CTNNA3: variants seen among roughly 807,000 people sequenced by gnomAD.
CTNNA3 encodes the protein catenin alpha 3.
Under a neutral mutation model 95.7 loss-of-function variants are expected in CTNNA3, and 76 were observed. The observed-to-expected ratio is 0.79, with a 90% CI of 0.66 to 0.96. CTNNA3 has a LOEUF of 0.96. Ranked by LOEUF, CTNNA3 falls within the 40% of genes least tolerant of loss-of-function variation. The pLI, the probability that CTNNA3 is intolerant of heterozygous loss-of-function variation, is 0.00. For missense variants in CTNNA3, 1,191 were observed against 1,089.8 expected (o/e 1.09, Z -1.31); for synonymous variants, 431 against 374.4 (o/e 1.15, Z -1.74).
chr10:66,657,485 G>A (rs990918386), intron 9 of CTNNA3, among the ~76,000 whole-genome samples: 4 of 151,972 alleles, frequency 2.6e-5, no homozygotes, highest in Admixed American at 1.3e-4. Flanking sequence ...TAATATGTAC[G>A]GTAAAGCTTA....
At chr10:66,993,032 C>T (rs1325213562) in intron 7 of CTNNA3, among the ~76,000 whole-genome samples, 4 of 152,068 alleles carry the variant, frequency 2.6e-5, no homozygotes, top group Non-Finnish European at 5.9e-5. Flanking sequence ...TCATTATTTT[C>T]CATGATTTTG....
At chr10:66,291,193 T>G (rs914255428) in intron 12 of CTNNA3, among the ~76,000 whole-genome samples, 1 of 152,190 alleles carries the variant, frequency 6.6e-6, no homozygotes, top group African/African-American at 2.4e-5. Flanking sequence ...TTGCATTTTC[T>G]CATTGCATTT....
At chr10:67,010,022 G>T (rs1852223975) in intron 7 of CTNNA3, among the ~76,000 whole-genome samples, 1 of 152,046 alleles carries the variant, frequency 6.6e-6, no homozygotes, top group South Asian at 2.1e-4. Context: ...ATTCAAACTT[G>T]TCCTTCCATT....
intron 7 of CTNNA3, among the ~76,000 whole-genome samples, chr10:66,802,872 A>G (rs1312051459): frequency 6.6e-6 from 1 of 152,018 alleles, no homozygotes; most frequent in Non-Finnish European, 1.5e-5. Flanking sequence ...ATGAGAGAAG[A>G]CTTACACATC....
intron 7 of CTNNA3, among the ~76,000 whole-genome samples, chr10:66,776,064 G>A (rs542727161): frequency 3.3e-5 from 5 of 152,252 alleles, no homozygotes; most frequent in South Asian, 2.1e-4. Context: ...AGAACTGGAC[G>A]CTGTTTTTGG....
intron 1 of CTNNA3, among the ~76,000 whole-genome samples, chr10:67,747,670 G>A (rs1187771068): frequency 2.6e-5 from 4 of 152,162 alleles, no homozygotes; most frequent in Admixed American, 6.5e-5. Context: ...ACGAAAAAAC[G>A]CTAAAAACTT....
chr10:66,491,499 C>A (rs1473161057), intron 11 of CTNNA3, among the ~76,000 whole-genome samples: 2 of 152,078 alleles, frequency 1.3e-5, no homozygotes, highest in Non-Finnish European at 2.9e-5. Flanking sequence ...AATGTAATGA[C>A]CATTTTATTT....
intron 7 of CTNNA3, among the ~76,000 whole-genome samples, chr10:66,858,924 T>C (rs1395426355): frequency 6.6e-6 from 1 of 152,050 alleles, no homozygotes; most frequent in Non-Finnish European, 1.5e-5. Context: ...TGCTCTGCTT[T>C]GAGTTCAACC....
intron 13 of CTNNA3, among the ~76,000 whole-genome samples, chr10:66,172,490 A>G (rs2085484615): frequency 6.6e-6 from 1 of 151,732 alleles, no homozygotes. Context: ...TATTTTATCT[A>G]TATTATTTTA....
At chr10:66,710,847 G>C (rs1227407956) in intron 9 of CTNNA3, among the ~76,000 whole-genome samples, 1 of 151,966 alleles carries the variant, frequency 6.6e-6, no homozygotes, top group East Asian at 1.9e-4. Flanking sequence ...TTTGTCATGC[G>C]CTTGTTACAA....
At chr10:67,252,416 A>G (rs551790186) in intron 5 of CTNNA3, among the ~76,000 whole-genome samples, 1 of 152,250 alleles carries the variant, frequency 6.6e-6, no homozygotes, top group Admixed American at 6.5e-5. Context: ...GTTTTTTCCT[A>G]TACATACATA....
intron 15 of CTNNA3, among the ~76,000 whole-genome samples, chr10:66,041,308 A>G (rs1352978108): frequency 6.6e-6 from 1 of 152,230 alleles, no homozygotes; most frequent in African/African-American, 2.4e-5. Flanking sequence ...GAGATATGGC[A>G]GCTAAATATA....
chr10:67,364,511 A>T (rs1449885386), intron 5 of CTNNA3, among the ~76,000 whole-genome samples: 1 of 152,176 alleles, frequency 6.6e-6, no homozygotes, highest in Non-Finnish European at 1.5e-5. Context: ...GTATTCAATT[A>T]GGATACTTCA....
At chr10:66,305,012 C>T (rs942713669) in intron 12 of CTNNA3, among the ~76,000 whole-genome samples, 1 of 152,024 alleles carries the variant, frequency 6.6e-6, no homozygotes, top group Non-Finnish European at 1.5e-5. Flanking sequence ...TCCCTTCTGC[C>T]TCTCCCTGGT....
chr10:66,740,850 C>T (rs1849304107), intron 9 of CTNNA3, among the ~76,000 whole-genome samples: 1 of 152,156 alleles, frequency 6.6e-6, no homozygotes. Flanking sequence ...CTCTTTGAAG[C>T]TGATACATAA....
chr10:66,079,774 A>C (rs1474635474), intron 14 of CTNNA3, among the ~76,000 whole-genome samples: 1 of 152,006 alleles, frequency 6.6e-6, no homozygotes, highest in East Asian at 1.9e-4. Context: ...TTCCATTGAA[A>C]ACCAGATGCA....
chr10:66,988,061 T>C (rs1265040032), intron 7 of CTNNA3, among the ~76,000 whole-genome samples: 1 of 152,190 alleles, frequency 6.6e-6, no homozygotes, highest in Non-Finnish European at 1.5e-5. Context: ...TAATTTATTA[T>C]TCTTTAGGAT....
intron 1 of CTNNA3, among the ~76,000 whole-genome samples, chr10:67,725,028 A>T (rs1320495310): frequency 6.6e-6 from 1 of 151,988 alleles, no homozygotes; most frequent in Admixed American, 6.6e-5. Context: ...TTATAAAATT[A>T]TATCTATTTA....
At chr10:66,377,427 A>G (rs1033306666) in intron 12 of CTNNA3, among the ~76,000 whole-genome samples, 6 of 152,108 alleles carry the variant, frequency 3.9e-5, no homozygotes, top group African/African-American at 1.4e-4. Flanking sequence ...TCAAAGAGGT[A>G]TTAATAAACT....
Sources: gnomAD v4.1 joint callset for allele counts (sites outside exome capture counted in the v4.1 genomes callset) on GRCh38, gnomAD v4.1.1 for gene constraint, MANE v1.5 for transcripts, NCBI Gene and HGNC (gene_info 2026-07-23, HGNC 2026-07-21) for gene names.